Variants in PRKCB observed in about 807,000 individuals in gnomAD.
PRKCB encodes the protein protein kinase C beta type.
A neutral mutation model predicts 81.5 loss-of-function variants in PRKCB; 13 were observed. The observed-to-expected ratio is 0.16, with a 90% CI of 0.10 to 0.25. PRKCB has a LOEUF of 0.25. PRKCB is among the 10% of genes least tolerant of loss of function. The pLI, the probability that PRKCB is intolerant of heterozygous loss-of-function variation, is 1.00. For synonymous variants in PRKCB, 335 were observed against 321.4 expected, an observed-to-expected ratio of 1.04 and a Z score of -0.45; for missense variants, 509 against 875.7, an observed-to-expected ratio of 0.58 and a Z score of 5.29.
chr16:23,836,253 C>T lies in PRKCB; in HGVS notation c.78C>T (p.Leu26=). 5.0e-6 allele frequency: 8 copies of T among 1,602,594 alleles called. No homozygotes were observed. Among genetic ancestry groups the T allele is most frequent in the Non-Finnish European group, 6.0e-6 (7 of 1,174,898 alleles). ...STVRFARKGA[L]RQKNVHEVKN... ...TGCGCTTCGCCCGCAAAGGCGCCCT[C>T]CGGCAGAAGAACGTGCATGAGGTCA... The change falls in exon 1 of 17, where the codon CTC becomes CTT. Residue 26 remains leucine (L), a synonymous_variant. Transcript: ENST00000643927.
intron 2 of PRKCB, among the ~76,000 whole-genome samples, chr16:23,953,429 G>T (rs1277890537): frequency 2.0e-5 from 3 of 152,200 alleles, no homozygotes; most frequent in Non-Finnish European, 4.4e-5. Flanking sequence ...TGCAGTTGGC[G>T]CTGGGCATCC....
At chr16:24,035,826 AC>A (rs1220957703) in intron 5 of PRKCB, among the ~76,000 whole-genome samples, 1 of 152,084 alleles carries the variant, frequency 6.6e-6, no homozygotes, top group African/African-American at 2.4e-5. Flanking sequence ...TGGACTTCTA[AC>A]TTCCTCAGGA....
chr16:24,132,795 T>TTTTC lies in PRKCB; in HGVS notation c.1065+8814_1065+8815insTTTC, dbSNP rs1567386726. Among the ~76,000 whole-genome samples the TTTTC allele has an allele frequency of 8.6e-3, 1,188 of 138,688 alleles. 33 individuals are homozygous for TTTTC. Among genetic ancestry groups the TTTTC allele is most frequent in the African/African-American group, 0.031 (1,119 of 35,584 alleles). 91.0% of individuals were successfully genotyped at this position (138,688 alleles called of 152,430 possible). On this transcript the variant is annotated intron_variant, in intron 9 of 16. Coordinates refer to ENST00000643927, the MANE Select transcript of PRKCB (RefSeq NM_002738.7). ...GCTTTTTTTTTTTTTTTTTTTTTCT[T>TTTTC]CTAGAGACAGGGTCTCACTCTGTCA...
At chr16:23,973,723 C>T (rs983880576) in intron 2 of PRKCB, among the ~76,000 whole-genome samples, 10 of 152,088 alleles carry the variant, frequency 6.6e-5, no homozygotes, top group African/African-American at 2.4e-4. Context: ...CTCTGTTGCC[C>T]AGGCTGGAGT....
chr16:24,031,126 C>G (rs1441270099), intron 3 of PRKCB, among the ~76,000 whole-genome samples: 1 of 152,146 alleles, frequency 6.6e-6, no homozygotes, highest in East Asian at 1.9e-4. Flanking sequence ...CAGCTTAGAG[C>G]CCCGGAAGTT....
chr16:24,013,477 T>A lies in PRKCB; in HGVS notation c.289-18659T>A, dbSNP rs76396346. Among the ~76,000 whole-genome samples the A allele has an allele frequency of 4.6e-3, 701 of 152,190 alleles. 22 individuals carry two copies. In the East Asian group the frequency reaches 0.093, roughly 20 times the overall value. On this transcript the variant is annotated intron_variant, in intron 3 of 16. Transcript: ENST00000643927. The stretch of plus-strand genomic sequence containing the variant: ...TGTCTCAGTTTTCTCCCCTATAAAA[T>A]AGGAATAGTCAAAAACCTGTTTTAC...
chr16:24,192,732 G>A (rs1017629474), intron 16 of PRKCB, among the ~76,000 whole-genome samples: 1 of 152,096 alleles, frequency 6.6e-6, no homozygotes. Context: ...CAGAGCCAGC[G>A]GTATTGACAT....
intron 5 of PRKCB, among the ~76,000 whole-genome samples, chr16:24,076,940 C>T (rs1008304621): frequency 9.8e-5 from 15 of 152,332 alleles, no homozygotes; most frequent in Admixed American, 4.6e-4. Context: ...TTCCAGAACA[C>T]TCCAGCAGTG....
chr16:24,042,290 C>T (rs1295516409), intron 5 of PRKCB, among the ~76,000 whole-genome samples: 1 of 152,174 alleles, frequency 6.6e-6, no homozygotes, highest in Non-Finnish European at 1.5e-5. Context: ...TTTGTGAAAC[C>T]ACAGTACTGT....
intron 9 of PRKCB, chr16:24,151,656 A>G (rs186571181): frequency 2.3e-4 from 90 of 386,650 alleles, no homozygotes; most frequent in African/African-American, 1.8e-3. Context: ...AGAGCATGGA[A>G]GGACGTCATA....
At chr16:23,990,905 A>G (rs950594045) in intron 3 of PRKCB, among the ~76,000 whole-genome samples, 3 of 152,208 alleles carry the variant, frequency 2.0e-5, no homozygotes, top group East Asian at 3.9e-4. Context: ...GCTTTCCACC[A>G]TGCACAGTCT....
chr16:24,028,559 T>TAAAA (rs1965512223), intron 3 of PRKCB, among the ~76,000 whole-genome samples: 2 of 152,262 alleles, frequency 1.3e-5, no homozygotes, highest in Non-Finnish European at 1.5e-5. Flanking sequence ...TTTGTGTTTT[T>TAAAA]CAGAACATTT....
At chr16:23,955,710 T>C (rs1964340464) in intron 2 of PRKCB, among the ~76,000 whole-genome samples, 1 of 152,204 alleles carries the variant, frequency 6.6e-6, no homozygotes, top group South Asian at 2.1e-4. Context: ...GGGCGAGACC[T>C]TGGATGTGTC....
At chr16:24,040,153 T>C (rs1049037347) in intron 5 of PRKCB, among the ~76,000 whole-genome samples, 4 of 152,204 alleles carry the variant, frequency 2.6e-5, no homozygotes, top group Non-Finnish European at 5.9e-5. Flanking sequence ...TATCTGTTCT[T>C]AGTGTTTTGG....
chr16:24,071,249 G>A (rs112200060), intron 5 of PRKCB, among the ~76,000 whole-genome samples: 289 of 152,074 alleles, frequency 1.9e-3, no homozygotes, highest in African/African-American at 6.6e-3. Context: ...AGACCTCTCA[G>A]AACTCTGCAT....
intron 2 of PRKCB, among the ~76,000 whole-genome samples, chr16:23,988,087 C>A (rs1338110373): frequency 6.6e-6 from 1 of 152,164 alleles, no homozygotes; most frequent in Non-Finnish European, 1.5e-5. Flanking sequence ...CGTATGAACA[C>A]CTCTCTTAAG....
intron 3 of PRKCB, among the ~76,000 whole-genome samples, chr16:24,015,844 T>C (rs1049770888): frequency 2.0e-5 from 3 of 152,310 alleles, no homozygotes; most frequent in South Asian, 4.1e-4. Context: ...GAATGGCTTA[T>C]AGCTGTAGTA....
intron 15 of PRKCB, among the ~76,000 whole-genome samples, chr16:24,188,674 A>G (rs1486127784): frequency 6.6e-6 from 1 of 152,188 alleles, no homozygotes; most frequent in African/African-American, 2.4e-5. Flanking sequence ...CCAAATAGAC[A>G]GGACCTTAGG....
intron 2 of PRKCB, among the ~76,000 whole-genome samples, chr16:23,956,217 G>A (rs536319037): frequency 1.2e-4 from 19 of 152,054 alleles, no homozygotes; most frequent in Admixed American, 7.2e-4. Context: ...CACCTCCAGG[G>A]CTCAATCCTC....
Sources: allele counts gnomAD v4.1 joint callset (sites outside exome capture counted in the v4.1 genomes callset), GRCh38; gene constraint gnomAD v4.1.1; transcripts MANE v1.5; gene names NCBI Gene and HGNC (gene_info 2026-07-23, HGNC 2026-07-21).